The following PRMT8 variants were observed in gnomAD, a reference collection of about 807,000 sequenced individuals.
PRMT8 encodes the protein protein arginine methyltransferase 8.
PRMT8 carries 7 observed loss-of-function variants against 47.1 expected under a neutral mutation model. The observed-to-expected ratio is 0.15, with a 90% CI of 0.08 to 0.28. The LOEUF (loss-of-function observed/expected upper bound fraction) is 0.28, where lower values mean the gene tolerates loss of function less well. Among genes scored for constraint, PRMT8 ranks in the 10% least tolerant of loss-of-function variants. PRMT8 has a pLI of 1.00. For synonymous variants in PRMT8, 188 were observed against 186.5 expected (o/e 1.01, Z -0.07); for missense variants, 237 against 505.4 (o/e 0.47, Z 5.09).
upstream of PRMT8, among the ~76,000 whole-genome samples, chr12:3,487,565 G>T (rs1025625884): frequency 2.6e-5 from 4 of 152,162 alleles, no homozygotes; most frequent in African/African-American, 9.7e-5. Context: ...TGGCGTTTGT[G>T]GGGCCTCTAC....
chr12:3,486,468 A>G (rs148340066), upstream of PRMT8, among the ~76,000 whole-genome samples: 1 of 152,294 alleles, frequency 6.6e-6, no homozygotes, highest in Non-Finnish European at 1.5e-5. Context: ...TGCTTGGCCC[A>G]TAGTCATATA....
intron 1 of PRMT8, among the ~76,000 whole-genome samples, chr12:3,475,869 G>A (rs924082761): frequency 6.6e-6 from 1 of 152,220 alleles, no homozygotes; most frequent in African/African-American, 2.4e-5. Context: ...TCCTGTGGGT[G>A]TATGATGTAT....
intron 7 of PRMT8, among the ~76,000 whole-genome samples, chr12:3,579,015 G>A (rs182641043): frequency 6.6e-6 from 1 of 152,242 alleles, no homozygotes; most frequent in East Asian, 1.9e-4. Flanking sequence ...GTGAGCAAAT[G>A]TGTCCTTTTG....
intron 4 of PRMT8, among the ~76,000 whole-genome samples, chr12:3,558,385 T>A (rs1866564397): frequency 6.6e-6 from 1 of 152,196 alleles, no homozygotes; most frequent in Admixed American, 6.5e-5. Flanking sequence ...CATCCCTGAA[T>A]ACATTAGTGT....
In PRMT8 at chr12:3,550,209, C is replaced by G; in HGVS notation, c.417+118C>G. ...GTCCATCTCTTTTGCTGGGGTCACA[C>G]CTTCGAGGAGTAGAAGAAATCAGGT... On this transcript the variant is annotated intron_variant, in intron 3 of 9. Transcript: ENST00000382622. The surrounding 1 kb of genome is among the most constrained non-coding windows in gnomAD (Gnocchi z 5.1). The G allele has an allele frequency of 7.8e-7, 1 of 1,284,282 alleles. No individual in the cohort carries two copies. The highest frequency in any genetic ancestry group is 1.1e-6 in the Non-Finnish European group (1 of 920,344). 79.6% of individuals were successfully genotyped at this position (1,284,282 alleles called of 1,614,324 possible).
At chr12:3,554,750 C>T (rs1017610939) in intron 4 of PRMT8, among the ~76,000 whole-genome samples, 1 of 152,186 alleles carries the variant, frequency 6.6e-6, no homozygotes, top group Non-Finnish European at 1.5e-5. Flanking sequence ...GCAGGGAGTT[C>T]TGGCAGGTGG....
chr12:3,381,864 T>G (rs1481508942), intron 1 of PRMT8, among the ~76,000 whole-genome samples: 1 of 152,116 alleles, frequency 6.6e-6, no homozygotes, highest in Non-Finnish European at 1.5e-5. Context: ...CCCACTTCCC[T>G]CCCACCTCCC....
intron 1 of PRMT8, among the ~76,000 whole-genome samples, chr12:3,515,707 A>G (rs1865780804): frequency 6.6e-6 from 1 of 152,132 alleles, no homozygotes; most frequent in Non-Finnish European, 1.5e-5. Flanking sequence ...CTGCAGGGGT[A>G]TTTACGGTCT....
chr12:3,529,306 C>G (rs1387073931), intron 1 of PRMT8, among the ~76,000 whole-genome samples: 2 of 152,270 alleles, frequency 1.3e-5, no homozygotes, highest in South Asian at 2.1e-4. Flanking sequence ...TTTGTCATCT[C>G]TCAGGGATCA....
intron 1 of PRMT8, among the ~76,000 whole-genome samples, chr12:3,440,980 A>G (rs1421757432): frequency 6.6e-6 from 1 of 152,184 alleles, no homozygotes; most frequent in Non-Finnish European, 1.5e-5. Flanking sequence ...CGGTGTGCCA[A>G]TTGCGCCCTT....
At chr12:3,483,228 A>G (rs1865291250) in intron 1 of PRMT8, among the ~76,000 whole-genome samples, 1 of 152,228 alleles carries the variant, frequency 6.6e-6, no homozygotes, top group South Asian at 2.1e-4. Context: ...TCTCCTGATG[A>G]TACCAGGCTC....
At chr12:3,561,421 C>T (rs898662333) in intron 4 of PRMT8, among the ~76,000 whole-genome samples, 22 of 152,150 alleles carry the variant, frequency 1.4e-4, no homozygotes, top group Admixed American at 9.8e-4. Context: ...TTGAATCAAT[C>T]CAAACCAAGA....
chr12:3,401,976 A>G (rs1355386947), intron 1 of PRMT8, among the ~76,000 whole-genome samples: 1 of 152,214 alleles, frequency 6.6e-6, no homozygotes, highest in African/African-American at 2.4e-5. Context: ...ATTAGAAAAA[A>G]CTATTTTAAA....
In PRMT8 at chr12:3,580,084, C is replaced by A. The variant is rs1867027852; in HGVS notation, c.829-2974C>A. Among the ~76,000 whole-genome samples, 2 of 152,148 alleles carry A rather than the reference C, an allele frequency of 1.3e-5. No individual in the cohort carries two copies. Among genetic ancestry groups the A allele is most frequent in the Non-Finnish European group, 2.9e-5 (2 of 68,022 alleles). Reference sequence around the variant, plus strand: ...TTTGAAGCCTAGCTACAGCTGATCCCATCCTCACAGATGGCCTGGACCCCC... The same window carrying A: ...TTTGAAGCCTAGCTACAGCTGATCCAATCCTCACAGATGGCCTGGACCCCC... On this transcript the variant is annotated intron_variant, in intron 7 of 9. Coordinates refer to ENST00000382622, the MANE Select transcript of PRMT8 (RefSeq NM_019854.5). This position sits in a 1 kb window ranked among gnomAD's most constrained non-coding sequence, Gnocchi z 4.6.
chr12:3,555,799 AG>A, intron 4 of PRMT8, among the ~76,000 whole-genome samples: 1 of 118,112 alleles, frequency 8.5e-6, no homozygotes, highest in Non-Finnish European at 2.0e-5. Context: ...GGGTGCATTG[AG>A]TGTGGGGATG....
intron 1 of PRMT8, among the ~76,000 whole-genome samples, chr12:3,424,877 A>C (rs1864585245): frequency 6.6e-6 from 1 of 152,202 alleles, no homozygotes; most frequent in Admixed American, 6.5e-5. Flanking sequence ...ATTTTAAGGA[A>C]AATGAGTCCC....
chr12:3,473,736 C>G (rs966396942), intron 1 of PRMT8, among the ~76,000 whole-genome samples: 8 of 152,112 alleles, frequency 5.3e-5, no homozygotes, highest in African/African-American at 1.9e-4. Context: ...TCCTTTATTG[C>G]CTATCTTGGT....
At chr12:3,582,931 C>T (rs1281057742) in intron 7 of PRMT8, 127 bp from the exon 8 acceptor site, 1 of 1,171,536 alleles carries the variant, frequency 8.5e-7, no homozygotes. Context: ...GGGAAATCAC[C>T]CCAAGAATAA....
At chr12:3,561,621 A>G (rs1355908007) in intron 4 of PRMT8, among the ~76,000 whole-genome samples, 2 of 152,174 alleles carry the variant, frequency 1.3e-5, no homozygotes, top group Non-Finnish European at 2.9e-5. Flanking sequence ...TCCTTGGAAT[A>G]GGGTCATGCA....
Sources: allele counts gnomAD v4.1 joint callset (sites outside exome capture counted in the v4.1 genomes callset), GRCh38; gene constraint gnomAD v4.1.1; non-coding constraint Gnocchi (gnomAD v3.1); transcripts MANE v1.5; gene names NCBI Gene and HGNC (gene_info 2026-07-23, HGNC 2026-07-21).